AATF: variants seen among roughly 807,000 people sequenced by gnomAD.
AATF encodes the protein protein AATF.
AATF carries 48 observed loss-of-function variants against 63.7 expected under a neutral mutation model. The ratio of observed to expected loss-of-function variants is 0.75; its 90% CI spans 0.60 to 0.96. The LOEUF (loss-of-function observed/expected upper bound fraction) is 0.96. Ranked by LOEUF, AATF falls within the 40% of genes least tolerant of loss-of-function variation. The pLI, the probability that AATF is intolerant of heterozygous loss-of-function variation, is 0.00. For missense variants in AATF, 639 were observed against 685.7 expected (o/e 0.93, Z 0.76); for synonymous variants, 258 against 247.7 (o/e 1.04, Z -0.39).
At chr17:36,963,064 A>G (rs2070961321) in intron 4 of AATF, among the ~76,000 whole-genome samples, 1 of 152,178 alleles carries the variant, frequency 6.6e-6, no homozygotes, top group Non-Finnish European at 1.5e-5. Context: ...GATTGCAGTG[A>G]GCCAAGATCG....
At chr17:37,017,116 C>A (rs1348996792) in intron 8 of AATF, among the ~76,000 whole-genome samples, 1 of 152,178 alleles carries the variant, frequency 6.6e-6, no homozygotes, top group Admixed American at 6.5e-5. Context: ...ATATTCTTCC[C>A]GAGGATCACC....
rs138885415 is a variant in AATF at position 37,013,679 on chromosome 17, C to T, written c.1399-5326C>T. On this transcript the variant is annotated intron_variant, in intron 8 of 11. Transcript: ENST00000619387. Reference sequence around the variant, plus strand: ...CATGGCCCAGACACTTTCCATTAGGCCCCTCCAACATTGAGAGCAAATTTC... The same window carrying T: ...CATGGCCCAGACACTTTCCATTAGGTCCCTCCAACATTGAGAGCAAATTTC... Among the ~76,000 whole-genome samples, 1,339 of 152,278 alleles carry T rather than the reference C, an allele frequency of 8.8e-3. 11 individuals carry two copies. The highest frequency in any genetic ancestry group is 0.016 in the Non-Finnish European group (1,074 of 68,014).
intron 4 of AATF, 110 bp from the exon 5 acceptor site, chr17:36,986,507 C>T (rs2071169888): frequency 1.3e-6 from 1 of 793,114 alleles, no homozygotes; most frequent in African/African-American, 1.7e-5. Flanking sequence ...CCTGTGCCTC[C>T]CCTTCACTCC....
chr17:37,002,255 A>G (rs1485507840), intron 8 of AATF, among the ~76,000 whole-genome samples: 2 of 152,024 alleles, frequency 1.3e-5, no homozygotes, highest in Non-Finnish European at 2.9e-5. Context: ...TACTAGAGCT[A>G]ATTAATAAAT....
intron 11 of AATF, among the ~76,000 whole-genome samples, chr17:37,038,131 A>C (rs993561239): frequency 6.6e-6 from 1 of 152,322 alleles, no homozygotes; most frequent in African/African-American, 2.4e-5. Flanking sequence ...GAATGGCCTA[A>C]TACAGAAGCA....
At chr17:37,015,305 G>T (rs911747906) in intron 8 of AATF, among the ~76,000 whole-genome samples, 1 of 152,172 alleles carries the variant, frequency 6.6e-6, no homozygotes. Context: ...TGTTTGTGCT[G>T]CTATAGTAAA....
intron 11 of AATF, among the ~76,000 whole-genome samples, chr17:37,041,695 G>A (rs548800543): frequency 6.6e-6 from 1 of 152,254 alleles, no homozygotes; most frequent in South Asian, 2.1e-4. Context: ...AGTAGAGACG[G>A]GGTATTGCCA....
At chr17:36,964,834 A>T (rs1054086607) in intron 4 of AATF, among the ~76,000 whole-genome samples, 10 of 130,118 alleles carry the variant, frequency 7.7e-5, no homozygotes, top group African/African-American at 2.8e-4. Context: ...CTCTTGTGTT[A>T]AATTTTCCAT....
intron 9 of AATF, 64 bp downstream of exon 9, chr17:37,019,136 C>T: frequency 1.5e-6 from 2 of 1,303,020 alleles, no homozygotes; most frequent in Non-Finnish European, 2.2e-6. Context: ...CCCTTGAGTC[C>T]CTTTAATTCT....
intron 11 of AATF, chr17:37,045,578 C>T (rs1284144483): frequency 6.6e-6 from 1 of 152,238 alleles, no homozygotes; most frequent in African/African-American, 2.4e-5. Context: ...CTTTGTCCTC[C>T]CCTATAAGAA....
At chr17:37,023,230 T>A (rs2142291764) in intron 10 of AATF, among the ~76,000 whole-genome samples, 1 of 152,290 alleles carries the variant, frequency 6.6e-6, no homozygotes, top group South Asian at 2.1e-4. Flanking sequence ...GCTTTGGGGA[T>A]TTGGTATGGG....
At chr17:37,021,340 A>T (rs1388573093) in intron 10 of AATF, among the ~76,000 whole-genome samples, 1 of 152,172 alleles carries the variant, frequency 6.6e-6, no homozygotes, top group East Asian at 1.9e-4. Context: ...TAATATAAAA[A>T]TGTTATGGCC....
chr17:37,027,319 C>T (rs2071518440), intron 10 of AATF, among the ~76,000 whole-genome samples: 1 of 151,938 alleles, frequency 6.6e-6, no homozygotes, highest in South Asian at 2.1e-4. Flanking sequence ...TCTTCCACAA[C>T]AAAATAATAT....
chr17:36,991,382 A>T (rs951925259), intron 8 of AATF, among the ~76,000 whole-genome samples: 3 of 152,156 alleles, frequency 2.0e-5, no homozygotes, highest in Admixed American at 6.5e-5. Context: ...GTGCTTTTGA[A>T]GACAGAGAGA....
chr17:36,953,317 A>G (rs2070872041), intron 3 of AATF, 21 bp downstream of exon 3: 1 of 1,591,148 alleles, frequency 6.3e-7, no homozygotes, highest in East Asian at 2.2e-5. Flanking sequence ...GGTTTTGCTG[A>G]TTGCCTGTTT....
At chr17:37,040,639 T>C (rs969851274) in intron 11 of AATF, among the ~76,000 whole-genome samples, 4 of 152,112 alleles carry the variant, frequency 2.6e-5, no homozygotes, top group Non-Finnish European at 5.9e-5. Flanking sequence ...TCACAAACTT[T>C]TAGAAATATT....
At chr17:36,982,176 C>A (rs531439632) in intron 4 of AATF, among the ~76,000 whole-genome samples, 1 of 148,304 alleles carries the variant, frequency 6.7e-6, no homozygotes, top group Non-Finnish European at 1.5e-5. Context: ...TCAGAATTTT[C>A]TTCCTTTTTA....
chr17:37,044,643 T>G (rs997500605), intron 11 of AATF, among the ~76,000 whole-genome samples: 2 of 152,180 alleles, frequency 1.3e-5, no homozygotes, highest in African/African-American at 4.8e-5. Context: ...TCCTATAAAT[T>G]ATTACAGGTC....
intron 4 of AATF, among the ~76,000 whole-genome samples, chr17:36,971,262 G>C (rs1037954592): frequency 1.3e-5 from 2 of 152,116 alleles, no homozygotes; most frequent in African/African-American, 4.8e-5. Context: ...ATGGGCAAAA[G>C]ATTGGACACT....
Sources: allele counts gnomAD v4.1 joint callset (sites outside exome capture counted in the v4.1 genomes callset), GRCh38; gene constraint gnomAD v4.1.1; transcripts MANE v1.5; gene names NCBI Gene and HGNC (gene_info 2026-07-23, HGNC 2026-07-21).